The following ITGA11 variants were observed in gnomAD, a reference collection of about 807,000 sequenced individuals.
ITGA11 encodes the protein integrin alpha-11.
ITGA11 carries 97 observed loss-of-function variants against 141.9 expected under a neutral mutation model. That is an observed-to-expected ratio of 0.68 (90% CI 0.58 to 0.81). The LOEUF (loss-of-function observed/expected upper bound fraction) is 0.81. Among genes scored for constraint, ITGA11 ranks in the 30% least tolerant of loss-of-function variants. The pLI, the probability that ITGA11 is intolerant of heterozygous loss-of-function variation, is 0.00. For synonymous variants in ITGA11, 658 were observed against 624.6 expected, an observed-to-expected ratio of 1.05 and a Z score of -0.80; for missense variants, 1,387 against 1,559.2, an observed-to-expected ratio of 0.89 and a Z score of 1.86.
At chr15:68,384,957 A>G (rs1895947942) in intron 2 of ITGA11, among the ~76,000 whole-genome samples, 1 of 152,246 alleles carries the variant, frequency 6.6e-6, no homozygotes, top group Non-Finnish European at 1.5e-5. Context: ...AACAAGCCCC[A>G]GAGGCCCTTT....
intron 2 of ITGA11, among the ~76,000 whole-genome samples, chr15:68,393,636 A>G (rs1184183707): frequency 6.6e-6 from 1 of 152,188 alleles, no homozygotes; most frequent in Non-Finnish European, 1.5e-5. Context: ...ATCTTTTCAG[A>G]CAAACGAACA....
rs966690875 is a variant in ITGA11, at chr15:68,339,560, G to A, written c.1216C>T (p.Leu406Phe). 1.2e-6 allele frequency: 2 copies of A among 1,613,856 alleles called. No individual in the cohort carries two copies. The highest frequency in any genetic ancestry group is 1.7e-6 in the Non-Finnish European group (2 of 1,179,896). The change falls in exon 11 of 30, where the codon CTC (leucine) becomes TTC (phenylalanine). Residue 406 changes from leucine (L) to phenylalanine (F), a missense_variant. Leu to Phe is a conservative substitution (Grantham distance 22). Transcript: ENST00000315757. ...AACTCTTTCAGGTAGGACTCGCGGA[G>A]AGGAATGACCTTCCCGGCACTCGTC... Reference protein sequence around the residue: ...KETSAGKVIPLRESYLKEFPE... With the variant: ...KETSAGKVIPFRESYLKEFPE...
At chr15:68,356,992 A>G in intron 7 of ITGA11, 159 bp downstream of exon 7, 1 of 680,534 alleles carries the variant, frequency 1.5e-6, no homozygotes, top group Non-Finnish European at 2.4e-6. Flanking sequence ...CCCAAGAGAA[A>G]ACCGACCAGC....
intron 2 of ITGA11, among the ~76,000 whole-genome samples, chr15:68,396,867 ATATT>A (rs1423961892): frequency 7.6e-6 from 1 of 131,562 alleles, no homozygotes; most frequent in Non-Finnish European, 1.6e-5. Flanking sequence ...AAACACAAAT[ATATT>A]TATATTAAAT....
Position 68,326,628 on chromosome 15 carries a change from C to G in ITGA11, c.2211+26G>C. Reference sequence around the variant, plus strand: ...ATGCTCCTTCCTATAGGAGCTTGGGCTCTGCTGGTGGGGCTGCCAGCTTAC... The same window carrying G: ...ATGCTCCTTCCTATAGGAGCTTGGGGTCTGCTGGTGGGGCTGCCAGCTTAC... On this transcript the variant is annotated intron_variant, in intron 17 of 29. Transcript: ENST00000315757. The surrounding 1 kb of genome is among the most constrained non-coding windows in gnomAD (Gnocchi z 6.8). The G allele has an allele frequency of 6.4e-7, 1 of 1,572,086 alleles. No homozygotes were observed. Among genetic ancestry groups the G allele is most frequent in the South Asian group, 1.2e-5 (1 of 84,618 alleles).
intron 1 of ITGA11, among the ~76,000 whole-genome samples, chr15:68,418,821 C>T (rs1356097027): frequency 6.6e-6 from 1 of 151,480 alleles, no homozygotes; most frequent in African/African-American, 2.4e-5. Context: ...AGCTTGTCTC[C>T]TGCTTGTCAT....
chr15:68,350,834 C>T, intron 8 of ITGA11, 52 bp from the exon 9 acceptor site: 1 of 1,566,092 alleles, frequency 6.4e-7, no homozygotes, highest in Non-Finnish European at 8.7e-7. Context: ...CACAGACTTT[C>T]CCATACACCA....
In ITGA11 at chr15:68,335,601, C is replaced by A; in HGVS notation, c.1425+96G>T. 1 of 1,403,708 alleles carries A rather than the reference C, an allele frequency of 7.1e-7. No individual in the cohort carries two copies. Among genetic ancestry groups the A allele is most frequent in the South Asian group, 1.3e-5 (1 of 79,430 alleles). The allele number at this position is 1,403,708 out of a possible 1,614,324, so 87.0% of individuals were successfully genotyped here. Reference sequence around the variant, plus strand: ...AGGAACATGACTGCCCTTTGGGGCACCCAGTGGTCCAGGCATGCCTGTATT... The same window carrying A: ...AGGAACATGACTGCCCTTTGGGGCAACCAGTGGTCCAGGCATGCCTGTATT... On this transcript the variant is annotated intron_variant, in intron 12 of 29. Coordinates refer to ENST00000315757, the MANE Select transcript of ITGA11 (RefSeq NM_001004439.2). The surrounding 1 kb of genome is among the most constrained non-coding windows in gnomAD (Gnocchi z 4.9).
At chr15:68,334,533 G>C (rs1192305031) in intron 12 of ITGA11, among the ~76,000 whole-genome samples, 2 of 152,010 alleles carry the variant, frequency 1.3e-5, no homozygotes, top group African/African-American at 2.4e-5. Context: ...GCTTTTAACT[G>C]AGGAGAAGGA....
At position 68,339,589 on chromosome 15, in the gene ITGA11, T is replaced by C. The variant is rs1177820150; in HGVS notation, c.1187A>G (p.Lys396Arg). The C allele has an allele frequency of 6.2e-7, 1 of 1,613,876 alleles. No homozygotes were observed. The highest frequency in any genetic ancestry group is 8.5e-7 in the Non-Finnish European group (1 of 1,179,880). Reference sequence around the variant, plus strand: ...AATGACCTTCCCGGCACTCGTCTCCTTTAGCACAGCTCCATTCCAGTCATA... The same window carrying C: ...AATGACCTTCCCGGCACTCGTCTCCCTTAGCACAGCTCCATTCCAGTCATA... Reference protein sequence around the residue: ...GAYDWNGAVLKETSAGKVIPL... With the variant: ...GAYDWNGAVLRETSAGKVIPL... The change falls in exon 11 of 30, where the codon AAG becomes AGG. Residue 396 changes from lysine (K) to arginine (R), a missense_variant. Coordinates refer to ENST00000315757, the MANE Select transcript of ITGA11 (RefSeq NM_001004439.2).
chr15:68,331,168 C>A, intron 14 of ITGA11, 57 bp from the exon 15 acceptor site: 3 of 1,481,592 alleles, frequency 2.0e-6, no homozygotes, highest in Non-Finnish European at 1.8e-6. Context: ...TGGGGGCGGG[C>A]GTCCCCGAGC....
chr15:68,424,950 C>A (rs1165794422), intron 1 of ITGA11, among the ~76,000 whole-genome samples: 1 of 152,242 alleles, frequency 6.6e-6, no homozygotes, highest in Non-Finnish European at 1.5e-5. Context: ...CCACAGACAC[C>A]CCTGCCCTCT....
chr15:68,353,144 G>T (rs1365788436), intron 7 of ITGA11, among the ~76,000 whole-genome samples: 1 of 152,240 alleles, frequency 6.6e-6, no homozygotes, highest in Non-Finnish European at 1.5e-5. Flanking sequence ...TTCTTACGCA[G>T]CACGCTGAGG....
chr15:68,391,996 G>T (rs931517874), intron 2 of ITGA11, among the ~76,000 whole-genome samples: 17 of 152,180 alleles, frequency 1.1e-4, no homozygotes, highest in African/African-American at 3.6e-4. Context: ...GGTTGAAAGA[G>T]GCTCAAATCC....
At chr15:68,395,972 G>C (rs555522682) in intron 2 of ITGA11, among the ~76,000 whole-genome samples, 1 of 151,628 alleles carries the variant, frequency 6.6e-6, no homozygotes, top group African/African-American at 2.4e-5. Flanking sequence ...ATTTAAAGAA[G>C]CAATAATACA....
chr15:68,414,801 C>A (rs1896851068), intron 1 of ITGA11, among the ~76,000 whole-genome samples: 1 of 152,172 alleles, frequency 6.6e-6, no homozygotes, highest in African/African-American at 2.4e-5. Flanking sequence ...AAACAAGTGT[C>A]CCTCAGCCTC....
At chr15:68,311,203 G>A (rs1244826032) in intron 25 of ITGA11, 87 bp downstream of exon 25, 6 of 1,263,250 alleles carry the variant, frequency 4.7e-6, no homozygotes, top group South Asian at 1.3e-5. Context: ...AAGGGAGCTG[G>A]GGTCTGGGAA....
At chr15:68,431,536 G>A (rs1193158704) in intron 1 of ITGA11, among the ~76,000 whole-genome samples, 1 of 152,162 alleles carries the variant, frequency 6.6e-6, no homozygotes, top group African/African-American at 2.4e-5. Flanking sequence ...GCCCTCCGGG[G>A]CCGCCGCGCC....
intron 2 of ITGA11, 54 bp from the exon 3 acceptor site, chr15:68,369,338 C>A (rs1250992563): frequency 1.8e-5 from 18 of 987,026 alleles, no homozygotes; most frequent in African/African-American, 3.9e-5. Context: ...TCTTTCCTGG[C>A]AGAGGATGGA....
Sources: gnomAD v4.1 joint callset for allele counts (sites outside exome capture counted in the v4.1 genomes callset) on GRCh38, gnomAD v4.1.1 for gene constraint, Gnocchi (gnomAD v3.1) non-coding constraint, MANE v1.5 for transcripts, NCBI Gene and HGNC (gene_info 2026-07-23, HGNC 2026-07-21) for gene names.